Variants in PHF20L1 observed in about 807,000 individuals in gnomAD.
PHF20L1 encodes the protein PHD finger protein 20 like 1, also known as PHD finger protein 20-like protein 1.
PHF20L1 carries 44 observed loss-of-function variants against 125.5 expected under a neutral mutation model. That is an observed-to-expected ratio of 0.35 (90% CI 0.28 to 0.45). The LOEUF is 0.45. Among genes scored for constraint, PHF20L1 ranks in the 20% least tolerant of loss-of-function variants. The pLI, the probability that PHF20L1 is intolerant of heterozygous loss-of-function variation, is 1.00. For missense variants in PHF20L1, 1,012 were observed against 1,217.2 expected (o/e 0.83, Z 2.51); for synonymous variants, 380 against 403.1 (o/e 0.94, Z 0.69).
intron 15 of PHF20L1, among the ~76,000 whole-genome samples, chr8:132,836,130 C>G (rs1235354366): frequency 6.6e-6 from 1 of 152,044 alleles, no homozygotes; most frequent in African/African-American, 2.4e-5. Flanking sequence ...CACACCTGTC[C>G]CCAGGTCCAC....
At chr8:132,782,323 G>A (rs1830519809) in intron 2 of PHF20L1, among the ~76,000 whole-genome samples, 1 of 152,164 alleles carries the variant, frequency 6.6e-6, no homozygotes, top group Non-Finnish European at 1.5e-5. Flanking sequence ...TAAAATGGAA[G>A]CAGTATTACT....
intron 20 of PHF20L1, 150 bp downstream of exon 20, chr8:132,844,468 C>A: frequency 3.2e-6 from 2 of 625,092 alleles, no homozygotes; most frequent in Non-Finnish European, 5.4e-6. Flanking sequence ...TTGTATTTAA[C>A]ACATTTGGGA....
chr8:132,812,863 T>G (rs2131645610), intron 9 of PHF20L1: 1 of 981,568 alleles, frequency 1.0e-6, no homozygotes. Context: ...TAGTCAAAAC[T>G]TACTGTGCTA....
intron 6 of PHF20L1, 49 bp downstream of exon 6, chr8:132,799,221 A>C: frequency 2.7e-6 from 3 of 1,095,688 alleles, no homozygotes; most frequent in Non-Finnish European, 2.7e-6. Context: ...CTGGTATATA[A>C]TGTCATTTAG....
At position 132,775,431 on chromosome 8, in the gene PHF20L1, A is replaced by C. The variant is rs1427586268; in HGVS notation, c.-252A>C. On this transcript the variant is annotated 5_prime_UTR_variant, in exon 1 of 21. Transcript: ENST00000395386. ...AGGCGGCGGCGGCGGCGGCGATGGC[A>C]GCGGACCCTGAGCGAGCTTGAGGGC... 3.4e-5 allele frequency: 13 copies of C among 385,904 alleles called. No individual in the cohort carries two copies. Among genetic ancestry groups the C allele is most frequent in the African/African-American group, 1.9e-4 (9 of 47,524 alleles). 23.9% of individuals were successfully genotyped at this position (385,904 alleles called of 1,614,324 possible).
At chr8:132,811,656 A>G (rs1015062571) in intron 9 of PHF20L1, 1 of 984,974 alleles carries the variant, frequency 1.0e-6, no homozygotes, top group Non-Finnish European at 1.2e-6. Context: ...TAAACCACCT[A>G]ATAGAGGAAT....
chr8:132,817,362 C>G lies in PHF20L1; in HGVS notation c.1396C>G (p.Leu466Val). 5 of 1,612,468 alleles carry G rather than the reference C, an allele frequency of 3.1e-6. No individual in the cohort carries two copies. Among genetic ancestry groups the G allele is most frequent in the Non-Finnish European group, 3.4e-6 (4 of 1,179,002 alleles). ...PEVPDVAHLP[L>V]EKLGPCLPLD... ...AGTGCCTGATGTTGCACATTTGCCACTTGAGAAGCTGGGACCCTGTCTCCC... is the reference window on the plus strand; with the variant it reads ...AGTGCCTGATGTTGCACATTTGCCAGTTGAGAAGCTGGGACCCTGTCTCCC... The change falls in exon 12 of 21, where the codon CTT becomes GTT. Residue 466 changes from leucine to valine, a missense_variant. Coordinates refer to ENST00000395386, the MANE Select transcript of PHF20L1 (RefSeq NM_016018.5).
Position 132,804,028 on chromosome 8 carries a change from A to G in PHF20L1, c.717A>G (p.Thr239=). ...KKEDLPTSSE[T]FGLHVENVPK... Reference sequence around the variant, plus strand: ...AAGATCTGCCTACATCTAGTGAAACATTTGGTACAAAATACATTCTTACGT... The same window carrying G: ...AAGATCTGCCTACATCTAGTGAAACGTTTGGTACAAAATACATTCTTACGT... Residue 239 remains threonine (T), a synonymous_variant, in exon 7 of 21, where the codon ACA becomes ACG. Transcript: ENST00000395386. 6.3e-7 allele frequency: 1 copy of G among 1,596,700 alleles called. No individual in the cohort carries two copies. Among genetic ancestry groups the G allele is most frequent in the Non-Finnish European group, 8.6e-7 (1 of 1,164,828 alleles).
At chr8:132,814,960 T>C (rs1834789018) in intron 10 of PHF20L1, 71 bp downstream of exon 10, 3 of 1,201,836 alleles carry the variant, frequency 2.5e-6, no homozygotes, top group African/African-American at 1.6e-5. Flanking sequence ...ATTGTAGTTA[T>C]ATTGTATTTT....
chr8:132,842,843 T>C lies in PHF20L1; in HGVS notation c.2716T>C (p.Tyr906His), dbSNP rs761079748. The C allele has an allele frequency of 6.2e-7, 1 of 1,611,148 alleles. No homozygotes were observed. The highest frequency in any genetic ancestry group is 8.5e-7 in the Non-Finnish European group (1 of 1,178,366). The change falls in exon 19 of 21, where the codon TAC becomes CAC. Residue 906 changes from tyrosine to histidine, a missense_variant. Tyr to His is a moderately conservative substitution (Grantham distance 83). Around this residue, in one of 7 missense-constraint regions of PHF20L1, gnomAD observed 277 missense variants for 283.6 expected, o/e 0.98. Transcript: ENST00000395386. ...FHMRSKNSLQ[Y>H]SAKEHGMPEK... The stretch of plus-strand genomic sequence containing the variant: ...CATGAGAAGTAAAAACAGTTTACAG[T>C]ACTCAGCAAAAGAACATGGAATGCC...
At chr8:132,843,694 T>C (rs1838166481) in intron 19 of PHF20L1, 6 of 985,016 alleles carry the variant, frequency 6.1e-6, no homozygotes, top group Middle Eastern at 5.2e-4. Context: ...CCTCCCTTCA[T>C]TGATTTACTG....
chr8:132,844,045 A>G (rs777530509), intron 19 of PHF20L1, 111 bp from the exon 20 acceptor site: 296 of 1,507,714 alleles, frequency 2.0e-4, no homozygotes, highest in Non-Finnish European at 2.5e-4. Context: ...CTGGAGTCAG[A>G]TTGGATCTCA....
intron 2 of PHF20L1, among the ~76,000 whole-genome samples, chr8:132,781,149 GA>G (rs1187923555): frequency 6.6e-6 from 1 of 151,988 alleles, no homozygotes; most frequent in Non-Finnish European, 1.5e-5. Context: ...TATAAAAAAG[GA>G]AAATAGTTTC....
intron 12 of PHF20L1, chr8:132,817,802 T>A: frequency 2.9e-6 from 1 of 339,530 alleles, no homozygotes; most frequent in Non-Finnish European, 5.3e-6. Flanking sequence ...TGCTTCTTTT[T>A]TATATATCCT....
chr8:132,783,139 A>G (rs1830625075), intron 2 of PHF20L1, among the ~76,000 whole-genome samples: 1 of 152,222 alleles, frequency 6.6e-6, no homozygotes, highest in Non-Finnish European at 1.5e-5. Context: ...AATTTGAAAT[A>G]TAGAGTCAAT....
At chr8:132,842,492 T>C (rs1270588916) in intron 18 of PHF20L1, 23 bp from the exon 19 acceptor site, 28 of 1,552,488 alleles carry the variant, frequency 1.8e-5, no homozygotes, top group Non-Finnish European at 2.3e-5. Flanking sequence ...TCTGAACTGC[T>C]GTTTTTCCAA....
intron 18 of PHF20L1, chr8:132,842,057 A>G (rs1837992622): frequency 6.4e-6 from 1 of 155,178 alleles, no homozygotes; most frequent in African/African-American, 2.4e-5. Flanking sequence ...TTAGGTATAC[A>G]GAAAAAGTCT....
intron 20 of PHF20L1, among the ~76,000 whole-genome samples, chr8:132,845,544 A>G (rs539814920): frequency 6.6e-6 from 1 of 152,118 alleles, no homozygotes; most frequent in South Asian, 2.1e-4. Flanking sequence ...TAATTCCTAT[A>G]TATATAAAGG....
intron 13 of PHF20L1, chr8:132,824,917 A>C (rs778420888): frequency 1.5e-5 from 10 of 654,722 alleles, no homozygotes; most frequent in Non-Finnish European, 2.2e-5. Context: ...ACATATGGAA[A>C]TGCTGAGTCT....
Sources: gnomAD v4.1 joint callset for allele counts (sites outside exome capture counted in the v4.1 genomes callset) on GRCh38, gnomAD v4.1.1 for gene constraint, gnomAD v4.1.1 regional missense constraint, MANE v1.5 for transcripts, NCBI Gene and HGNC (gene_info 2026-07-23, HGNC 2026-07-21) for gene names.